Variants in EXOC6B observed in about 807,000 individuals in gnomAD.
The protein encoded by EXOC6B is exocyst complex component 6B.
A neutral mutation model predicts 113.5 loss-of-function variants in EXOC6B; 54 were observed. That is an observed-to-expected ratio of 0.48 (90% CI 0.38 to 0.60). EXOC6B has a LOEUF of 0.60. Ranked by LOEUF, EXOC6B falls within the 20% of genes least tolerant of loss-of-function variation. The pLI, the probability that EXOC6B is intolerant of heterozygous loss-of-function variation, is 0.00. For synonymous variants in EXOC6B, 357 were observed against 339.0 expected (o/e 1.05, Z -0.58); for missense variants, 797 against 977.5 (o/e 0.82, Z 2.46).
At chr2:72,263,200 A>G (rs1007612805) in intron 20 of EXOC6B, 6 of 152,212 alleles carry the variant, frequency 3.9e-5, no homozygotes, top group African/African-American at 1.4e-4. Context: ...GAGGTTAACA[A>G]TAGGATAGTA....
intron 1 of EXOC6B, among the ~76,000 whole-genome samples, chr2:72,781,112 C>A (rs1465104356): frequency 1.3e-5 from 2 of 152,240 alleles, no homozygotes; most frequent in African/African-American, 4.8e-5. Flanking sequence ...ATACCAAGTC[C>A]TGAATCCATA....
At chr2:72,715,200 C>G (rs1558943136) in intron 6 of EXOC6B, among the ~76,000 whole-genome samples, 1 of 152,038 alleles carries the variant, frequency 6.6e-6, no homozygotes, top group Non-Finnish European at 1.5e-5. Flanking sequence ...GCACTCCAGC[C>G]TAGTGACAGA....
Position 72,717,950 on chromosome 2 carries a change from T to G in EXOC6B, c.669+153A>C, listed in dbSNP as rs184774635. Reference sequence around the variant, plus strand: ...TGCTCTGTTAAAAAAATGAAAACATTTTTAATCATATGTTTCCATAAATAT... The same window carrying G: ...TGCTCTGTTAAAAAAATGAAAACATGTTTAATCATATGTTTCCATAAATAT... On this transcript the variant is annotated intron_variant, in intron 6 of 21. Transcript: ENST00000272427. 2.0e-5 allele frequency among the ~76,000 whole-genome samples: 3 copies of G among 152,284 alleles called. No homozygotes were observed. In the East Asian group the frequency reaches 5.8e-4, roughly 29 times the overall value.
At chr2:72,183,584 G>C (rs991866876) in intron 21 of EXOC6B, among the ~76,000 whole-genome samples, 1 of 152,148 alleles carries the variant, frequency 6.6e-6, no homozygotes. Flanking sequence ...AGTCTGGCAG[G>C]GGGTGGGAGC....
intron 16 of EXOC6B, among the ~76,000 whole-genome samples, chr2:72,484,781 C>T: frequency 6.6e-6 from 1 of 152,108 alleles, no homozygotes. Context: ...GACATGATCT[C>T]ATTCCTTTTT....
At chr2:72,217,470 G>A (rs1680610195) in intron 20 of EXOC6B, among the ~76,000 whole-genome samples, 1 of 152,150 alleles carries the variant, frequency 6.6e-6, no homozygotes, top group Non-Finnish European at 1.5e-5. Context: ...TTTAAAAAAA[G>A]GTACATTCAG....
At chr2:72,740,071 GAA>G (rs1450221040) in intron 2 of EXOC6B, among the ~76,000 whole-genome samples, 1 of 152,036 alleles carries the variant, frequency 6.6e-6, no homozygotes, top group Non-Finnish European at 1.5e-5. Flanking sequence ...AATAAAATAA[GAA>G]ATTTGATAGC....
intron 19 of EXOC6B, among the ~76,000 whole-genome samples, chr2:72,359,593 T>A (rs540299147): frequency 6.6e-6 from 1 of 152,334 alleles, no homozygotes; most frequent in Non-Finnish European, 1.5e-5. Context: ...AAACATACTC[T>A]AATTAAGACA....
chr2:72,446,009 T>C (rs934578430), intron 18 of EXOC6B, among the ~76,000 whole-genome samples: 1 of 151,838 alleles, frequency 6.6e-6, no homozygotes, highest in Non-Finnish European at 1.5e-5. Flanking sequence ...GCTGGTGAGG[T>C]TTCAGAGGAA....
intron 21 of EXOC6B, 99 bp from the exon 22 acceptor site, chr2:72,179,560 C>T (rs1026546192): frequency 7.3e-7 from 1 of 1,370,190 alleles, no homozygotes; most frequent in Non-Finnish European, 1.0e-6. Context: ...TTAACCACTA[C>T]CCAGAGTAAT....
At chr2:72,295,995 T>A (rs944893961) in intron 20 of EXOC6B, among the ~76,000 whole-genome samples, 2 of 152,040 alleles carry the variant, frequency 1.3e-5, no homozygotes, top group African/African-American at 4.8e-5. Flanking sequence ...TACAAGGACA[T>A]CCCCTTAAAG....
At chr2:72,655,130 T>C (rs914079022) in intron 6 of EXOC6B, among the ~76,000 whole-genome samples, 1 of 152,168 alleles carries the variant, frequency 6.6e-6, no homozygotes, top group Admixed American at 6.5e-5. Context: ...TGTCCAGAAT[T>C]ACTGAATCAA....
At chr2:72,209,624 G>A (rs529955819) in intron 20 of EXOC6B, among the ~76,000 whole-genome samples, 2 of 152,256 alleles carry the variant, frequency 1.3e-5, no homozygotes, top group African/African-American at 4.8e-5. Flanking sequence ...CATTCTATTA[G>A]AAACTACATG....
At chr2:72,506,845 G>C (rs1438843138) in intron 11 of EXOC6B, among the ~76,000 whole-genome samples, 2 of 152,040 alleles carry the variant, frequency 1.3e-5, no homozygotes, top group Non-Finnish European at 2.9e-5. Context: ...AGGTTGATTA[G>C]TATAGTTGAA....
At chr2:72,776,889 T>TC (rs1411342589) in intron 1 of EXOC6B, among the ~76,000 whole-genome samples, 5 of 151,994 alleles carry the variant, frequency 3.3e-5, no homozygotes, top group African/African-American at 9.7e-5. Context: ...TTCAACAAAC[T>TC]CCAAGTAGAA....
At position 72,716,703 on chromosome 2, in the gene EXOC6B, C is replaced by G. The variant is rs116951832; in HGVS notation, c.669+1400G>C. On this transcript the variant is annotated intron_variant, in intron 6 of 21. Transcript: ENST00000272427. Reference sequence around the variant, plus strand: ...CTTTACAAGGTATTTGAACTTGAGGCAAGTTACTTCCCTCCTCTGGGTCTT... The same window carrying G: ...CTTTACAAGGTATTTGAACTTGAGGGAAGTTACTTCCCTCCTCTGGGTCTT... Among the ~76,000 whole-genome samples, 82 of 152,242 alleles carry G rather than the reference C, an allele frequency of 5.4e-4. 3 individuals are homozygous for G. The East Asian group carries it at 0.011, about 20-fold the overall frequency.
chr2:72,670,267 T>A (rs1204801064), intron 6 of EXOC6B, among the ~76,000 whole-genome samples: 1 of 152,206 alleles, frequency 6.6e-6, no homozygotes, highest in Non-Finnish European at 1.5e-5. Context: ...TTTCATTTTA[T>A]TTCCTGTTTA....
chr2:72,575,447 T>G (rs753053896), intron 7 of EXOC6B, 45 bp downstream of exon 7: 3 of 1,567,032 alleles, frequency 1.9e-6, no homozygotes, highest in Non-Finnish European at 1.7e-6. Flanking sequence ...CCATACTATT[T>G]AAGCTTAAAA....
intron 20 of EXOC6B, among the ~76,000 whole-genome samples, chr2:72,185,873 C>T (rs1174964856): frequency 6.6e-6 from 1 of 151,956 alleles, no homozygotes; most frequent in Non-Finnish European, 1.5e-5. Flanking sequence ...TGTATATCTC[C>T]TAATGCTATC....
Sources: gnomAD v4.1 joint callset for allele counts (sites outside exome capture counted in the v4.1 genomes callset) on GRCh38, gnomAD v4.1.1 for gene constraint, MANE v1.5 for transcripts, NCBI Gene and HGNC (gene_info 2026-07-23, HGNC 2026-07-21) for gene names.